Variants in NT5C1B observed in about 807,000 individuals in gnomAD.
NT5C1B encodes 5'-nucleotidase, cytosolic IB.
NT5C1B carries 44 observed loss-of-function variants against 57.8 expected under a neutral mutation model. That is an observed-to-expected ratio of 0.76 (90% confidence interval 0.60 to 0.98). The LOEUF is 0.98. NT5C1B is among the 50% of genes least tolerant of loss of function. The pLI is 0.00. For synonymous variants in NT5C1B, 284 were observed against 282.6 expected, an observed-to-expected ratio of 1.00 and a Z score of -0.05; for missense variants, 742 against 719.5, an observed-to-expected ratio of 1.03 and a Z score of -0.36.
In NT5C1B at chr2:18,584,830, G is replaced by T; in HGVS notation, c.407C>A (p.Pro136His). The T allele has an allele frequency of 6.2e-7, 1 of 1,611,444 alleles. No individual in the cohort carries two copies. ...CCGGGAGCCAGGATCGGGCTCTGGG[G>T]GCGTGGGAGGCCGCGAGTCCAGCGA... The change falls in exon 4 of 9, where the codon CCC becomes CAC. Residue 136 changes from proline (P) to histidine (H), a missense_variant. Coordinates refer to ENST00000304081, the Ensembl canonical transcript of NT5C1B. The surrounding 1 kb of genome is among the most constrained non-coding windows in gnomAD (Gnocchi z 5.8).
In NT5C1B at chr2:18,587,492, G is replaced by C. The variant is rs377302410; in HGVS notation, c.120+11C>G. ...TTAATTTCCTCACCTCTGCTACAGA[G>C]ATCAGCTCACCTGATTGCTCAGACG... On this transcript the variant is annotated intron_variant, in intron 2 of 8. Transcript: ENST00000304081. 9.3e-6 allele frequency: 15 copies of C among 1,612,636 alleles called. No individual in the cohort carries two copies. The South Asian group carries it at 1.3e-4, about 14-fold the overall frequency.
At chr2:18,564,408 C>T (rs1006861249) in intron 8 of NT5C1B, among the ~76,000 whole-genome samples, 19 of 152,250 alleles carry the variant, frequency 1.2e-4, no homozygotes, top group African/African-American at 4.3e-4. Context: ...AATACTTAAG[C>T]CAGGACAACA....
rs772555868 is a variant in NT5C1B, at chr2:18,564,038, T to C, written c.1411A>G (p.Ile471Val). The change falls in exon 9 of 9, where the codon ATC becomes GTC. Residue 471 changes from isoleucine to valine, a missense_variant. Transcript: ENST00000304081. ...CTAGCTGTAACCAGGTAGGTCCTGA[T>C]AGGACAAAGTAACCGTTCATTTTTG... The C allele has an allele frequency of 2.5e-6, 4 of 1,612,908 alleles. No individual in the cohort carries two copies. The highest frequency in any genetic ancestry group is 1.7e-5 in the Admixed American group (1 of 59,804).
intron 6 of NT5C1B, among the ~76,000 whole-genome samples, chr2:18,578,332 C>A (rs938244718): frequency 2.0e-5 from 3 of 151,946 alleles, no homozygotes; most frequent in Non-Finnish European, 4.4e-5. Context: ...AAACTTCAGG[C>A]CAATATCCCT....
At chr2:18,566,320 C>A (rs1664638214) in intron 8 of NT5C1B, among the ~76,000 whole-genome samples, 1 of 152,210 alleles carries the variant, frequency 6.6e-6, no homozygotes, top group South Asian at 2.1e-4. Context: ...TTCAAAGGCT[C>A]CCTTCTTTGC....
At chr2:18,571,788 T>C (rs144156527) in intron 8 of NT5C1B, among the ~76,000 whole-genome samples, 1 of 140,626 alleles carries the variant, frequency 7.1e-6, no homozygotes, top group Non-Finnish European at 1.5e-5. Flanking sequence ...AAAGTTGAAG[T>C]ATTCACACCA....
At chr2:18,577,046 A>C in intron 6 of NT5C1B, 151 bp from the exon 7 acceptor site, 2 of 1,352,576 alleles carry the variant, frequency 1.5e-6, no homozygotes, top group South Asian at 2.7e-5. Flanking sequence ...CTTAGAAATA[A>C]ACTTTAAAAA....
rs371226394 is a variant in NT5C1B, at chr2:18,577,422, C to CAAAAAAA, written c.1022-534_1022-528dup. On this transcript the variant is annotated intron_variant, in intron 6 of 8. Transcript: ENST00000304081. Reference sequence around the variant, plus strand: ...CTGGTGAAAGAGCAAGACTCTGTCTCAAAAAAAAAAAAAAAAAAAAAAAGG... The same window carrying CAAAAAAA: ...CTGGTGAAAGAGCAAGACTCTGTCTCAAAAAAAAAAAAAAAAAAAAAAAAAAAAAAGG... Among the ~76,000 whole-genome samples the CAAAAAAA allele has an allele frequency of 4.4e-3, 175 of 39,764 alleles. 4 individuals carry two copies. The highest frequency in any genetic ancestry group is 4.7e-3 in the Non-Finnish European group (95 of 20,262). The allele number at this position is 39,764 out of a possible 152,430, so 26.1% of individuals were successfully genotyped here.
At position 18,584,493 on chromosome 2, in the gene NT5C1B, A is replaced by T. The variant is rs1365200972; in HGVS notation, c.723+21T>A. On this transcript the variant is annotated intron_variant, in intron 4 of 8. Coordinates refer to ENST00000304081, the Ensembl canonical transcript of NT5C1B. The surrounding 1 kb of genome is among the most constrained non-coding windows in gnomAD (Gnocchi z 5.8). ...TGCAAGGAAGGGCGCCCCGGCTGCC[A>T]GGGGCGGCGGGCTGGCTCACCGGCC... 6.2e-7 allele frequency: 1 copy of T among 1,601,024 alleles called. No individual in the cohort carries two copies. Among genetic ancestry groups the T allele is most frequent in the Non-Finnish European group, 8.5e-7 (1 of 1,174,570 alleles).
exon 7 of NT5C1B, chr2:18,576,864 C>G (rs1007969970): frequency 6.8e-6 from 11 of 1,613,754 alleles, no homozygotes; most frequent in Non-Finnish European, 9.3e-6. Flanking sequence ...GGTCTTTTCC[C>G]CCGGTCAGAC....
chr2:18,563,588 T>C (rs1048852887), exon 9 of NT5C1B: 2 of 458,954 alleles, frequency 4.4e-6, no homozygotes, highest in Non-Finnish European at 7.6e-6. Context: ...TGTAATGGCA[T>C]TCAACAGTAT....
intron 8 of NT5C1B, among the ~76,000 whole-genome samples, chr2:18,568,529 A>G (rs1248955813): frequency 1.3e-5 from 2 of 152,208 alleles, no homozygotes; most frequent in East Asian, 3.9e-4. Context: ...AAATGATTAA[A>G]AGGAATTTGA....
intron 6 of NT5C1B, among the ~76,000 whole-genome samples, chr2:18,577,868 C>G (rs565340775): frequency 6.6e-6 from 1 of 152,030 alleles, no homozygotes; most frequent in Non-Finnish European, 1.5e-5. Flanking sequence ...GCTAGCTAGA[C>G]TAACAAAGAA....
chr2:18,577,555 A>G (rs1263544944), intron 6 of NT5C1B, among the ~76,000 whole-genome samples: 1 of 152,090 alleles, frequency 6.6e-6, no homozygotes. Flanking sequence ...AATTATTTGA[A>G]GCTAATGATA....
At chr2:18,565,282 A>G (rs1664545500) in intron 8 of NT5C1B, among the ~76,000 whole-genome samples, 3 of 152,102 alleles carry the variant, frequency 2.0e-5, no homozygotes, top group Admixed American at 1.3e-4. Context: ...TCTATGGTTA[A>G]GTATATTATA....
intron 1 of NT5C1B, among the ~76,000 whole-genome samples, chr2:18,587,838 A>G (rs1029832759): frequency 6.6e-6 from 1 of 152,228 alleles, no homozygotes; most frequent in Admixed American, 6.5e-5. Context: ...GATTTGAGAT[A>G]TAAAGCATTT....
At chr2:18,582,973 G>A (rs1666313536) in exon 6 of NT5C1B, 13 of 1,613,928 alleles carry the variant, frequency 8.1e-6, no homozygotes, top group Non-Finnish European at 1.0e-5. Flanking sequence ...AGATCACGGA[G>A]TCTAGCATTG....
At chr2:18,575,784 T>C (rs1174882534) in intron 8 of NT5C1B, among the ~76,000 whole-genome samples, 10 of 152,316 alleles carry the variant, frequency 6.6e-5, no homozygotes. Flanking sequence ...TTTCTTGAGT[T>C]TGAAGTCAAG....
At chr2:18,579,353 C>A (rs1665979646) in intron 6 of NT5C1B, among the ~76,000 whole-genome samples, 1 of 152,116 alleles carries the variant, frequency 6.6e-6, no homozygotes, top group Non-Finnish European at 1.5e-5. Context: ...GCAAAAAGAA[C>A]AAAGCTGGAA....
Sources: gnomAD v4.1 joint callset for allele counts (sites outside exome capture counted in the v4.1 genomes callset) on GRCh38, gnomAD v4.1.1 for gene constraint, Gnocchi (gnomAD v3.1) non-coding constraint, MANE v1.5 for transcripts, NCBI Gene and HGNC (gene_info 2026-07-23, HGNC 2026-07-21) for gene names.